KCNIP4: variants seen among roughly 807,000 people sequenced by gnomAD.
KCNIP4 encodes the protein potassium voltage-gated channel interacting protein 4, also known as Kv channel-interacting protein 4.
A neutral mutation model predicts 34.0 loss-of-function variants in KCNIP4; 12 were observed. That is an observed-to-expected ratio of 0.35 (90% confidence interval 0.23 to 0.57). The LOEUF (loss-of-function observed/expected upper bound fraction) is 0.57, where lower values mean the gene tolerates loss of function less well. KCNIP4 is among the 20% of genes least tolerant of loss of function. KCNIP4 has a pLI of 0.83. For missense variants in KCNIP4, 238 were observed against 311.7 expected, an observed-to-expected ratio of 0.76 and a Z score of 1.78; for synonymous variants, 124 against 102.2, an observed-to-expected ratio of 1.21 and a Z score of -1.29.
intron 1 of KCNIP4, among the ~76,000 whole-genome samples, chr4:21,684,293 A>C (rs1750646557): frequency 6.6e-6 from 1 of 152,122 alleles, no homozygotes; most frequent in African/African-American, 2.4e-5. Context: ...TCTTATTCTA[A>C]ATTCTGAGAG....
chr4:21,614,444 T>C (rs1190596255), intron 1 of KCNIP4, among the ~76,000 whole-genome samples: 1 of 149,952 alleles, frequency 6.7e-6, no homozygotes, highest in Non-Finnish European at 1.5e-5. Context: ...GCTGGAAAGA[T>C]AAAGGGAAAA....
At chr4:21,590,320 A>G (rs1037121401) in intron 1 of KCNIP4, among the ~76,000 whole-genome samples, 2 of 151,994 alleles carry the variant, frequency 1.3e-5, no homozygotes, top group African/African-American at 4.8e-5. Context: ...GATGGCATAG[A>G]CCTTATTTGG....
chr4:21,698,108 C>A (rs1712537287), intron 1 of KCNIP4, among the ~76,000 whole-genome samples: 2 of 152,122 alleles, frequency 1.3e-5, no homozygotes, highest in African/African-American at 2.4e-5. Context: ...GACCCTGATT[C>A]TAAACAGACT....
chr4:21,041,229 T>TACACACAC (rs1304111620), intron 1 of KCNIP4, among the ~76,000 whole-genome samples: 1 of 115,402 alleles, frequency 8.7e-6, no homozygotes, highest in Non-Finnish European at 1.8e-5. Context: ...TGATATATAT[T>TACACACAC]TCACACACAC....
intron 1 of KCNIP4, among the ~76,000 whole-genome samples, chr4:21,822,719 CTT>C (rs71193413): frequency 6.5e-5 from 9 of 137,842 alleles, no homozygotes; most frequent in Non-Finnish European, 7.7e-5. Flanking sequence ...ATTAATTTTC[CTT>C]TTTTTTTTTT....
chr4:20,882,058 G>A (rs116325444), intron 2 of KCNIP4, among the ~76,000 whole-genome samples: 1,593 of 152,296 alleles, frequency 0.01, 26 homozygotes, highest in African/African-American at 0.037. Flanking sequence ...TATATGATAT[G>A]TATATGCTTA....
At chr4:21,053,496 T>C (rs2108953341) in intron 1 of KCNIP4, among the ~76,000 whole-genome samples, 1 of 152,314 alleles carries the variant, frequency 6.6e-6, no homozygotes, top group South Asian at 2.1e-4. Context: ...TTCAACATTG[T>C]GCTAGAAGTG....
intron 1 of KCNIP4, among the ~76,000 whole-genome samples, chr4:21,762,234 T>C (rs1436432351): frequency 1.3e-5 from 2 of 152,136 alleles, no homozygotes; most frequent in African/African-American, 4.8e-5. Flanking sequence ...ATATTCAAAA[T>C]ATTATTTCAA....
rs150148525 is a variant in KCNIP4, at chr4:21,144,288, T to C, written c.62-261579A>G. Among the ~76,000 whole-genome samples, 630 of 152,332 alleles carry C rather than the reference T, an allele frequency of 4.1e-3. 2 individuals carry two copies. Among genetic ancestry groups the C allele is most frequent in the Non-Finnish European group, 6.4e-3 (434 of 68,026 alleles). ...ATCCATACCATGCTAAAGAGTTAAA[T>C]AAAATCCTTGATGTACTTATTTTAT... On this transcript the variant is annotated intron_variant, in intron 1 of 8. Coordinates refer to ENST00000382152, the MANE Select transcript of KCNIP4 (RefSeq NM_025221.6).
intron 1 of KCNIP4, among the ~76,000 whole-genome samples, chr4:21,391,426 G>A (rs759475120): frequency 2.6e-5 from 4 of 152,028 alleles, no homozygotes; most frequent in African/African-American, 9.7e-5. Context: ...TTGATGCTAG[G>A]TGGCCACCTG....
intron 1 of KCNIP4, among the ~76,000 whole-genome samples, chr4:21,068,801 A>T (rs1447406042): frequency 6.6e-6 from 1 of 152,232 alleles, no homozygotes; most frequent in Non-Finnish European, 1.5e-5. Context: ...TAATGAGGTA[A>T]GACCCACAAC....
At position 20,992,856 on chromosome 4, in the gene KCNIP4, T is replaced by C. The variant is rs1188323083; in HGVS notation, c.62-110147A>G. Among the ~76,000 whole-genome samples, 4 of 151,692 alleles carry C rather than the reference T, an allele frequency of 2.6e-5. No individual in the cohort carries two copies. In the East Asian group the frequency reaches 7.8e-4, roughly 30 times the overall value. ...CAGCCTGGCCAACATAGTGAAACCC[T>C]GTCTCTACTAAAAATACAAAAATCA... is the stretch of plus-strand genomic sequence containing the variant. On this transcript the variant is annotated intron_variant, in intron 1 of 8. Transcript: ENST00000382152.
chr4:20,986,763 T>A (rs1369234), intron 1 of KCNIP4, among the ~76,000 whole-genome samples: 71,428 of 152,078 alleles, frequency 0.47, 17,976 homozygotes, highest in African/African-American at 0.65. Flanking sequence ...TTTTCCAGGA[T>A]TGAAATTCCT....
chr4:20,849,026 T>C (rs1387420800), intron 3 of KCNIP4, among the ~76,000 whole-genome samples: 1 of 152,190 alleles, frequency 6.6e-6, no homozygotes, highest in African/African-American at 2.4e-5. Context: ...AAATACCTGC[T>C]GTCTCTGAAG....
chr4:21,613,228 T>C (rs182301065), intron 1 of KCNIP4: 1 of 152,326 alleles, frequency 6.6e-6, no homozygotes, highest in Non-Finnish European at 1.5e-5. Context: ...ATAGGGCTGA[T>C]ATGTGTTAAC....
intron 1 of KCNIP4, among the ~76,000 whole-genome samples, chr4:21,483,052 G>A (rs1731575673): frequency 7.1e-6 from 1 of 141,616 alleles, no homozygotes; most frequent in African/African-American, 2.6e-5. Flanking sequence ...CACAGGAAGG[G>A]GAACATCACA....
At chr4:21,082,976 G>T (rs1746132779) in intron 1 of KCNIP4, among the ~76,000 whole-genome samples, 1 of 151,504 alleles carries the variant, frequency 6.6e-6, no homozygotes, top group South Asian at 2.1e-4. Context: ...CTGTATTTTA[G>T]GTCTTATCAT....
chr4:21,075,316 G>T (rs1745381377), intron 1 of KCNIP4, among the ~76,000 whole-genome samples: 1 of 152,124 alleles, frequency 6.6e-6, no homozygotes, highest in African/African-American at 2.4e-5. Flanking sequence ...ATGAATCTGG[G>T]TGCTCTTGTA....
At chr4:21,357,943 G>T (rs972730746) in intron 1 of KCNIP4, among the ~76,000 whole-genome samples, 1 of 152,136 alleles carries the variant, frequency 6.6e-6, no homozygotes, top group Admixed American at 6.5e-5. Context: ...TGATAGACTG[G>T]ATTAATAAAA....
Sources: allele counts gnomAD v4.1 joint callset (sites outside exome capture counted in the v4.1 genomes callset), GRCh38; gene constraint gnomAD v4.1.1; transcripts MANE v1.5; gene names NCBI Gene and HGNC (gene_info 2026-07-23, HGNC 2026-07-21).